The following WWOX variants were observed in gnomAD, a reference collection of about 807,000 sequenced individuals.
The protein encoded by WWOX is WW domain-containing oxidoreductase.
In WWOX, 69 loss-of-function variants were observed where a neutral mutation model predicts 46.2. That is an observed-to-expected ratio of 1.49 (90% CI 1.23 to 1.82). The LOEUF is 1.82. Ranked by LOEUF, WWOX falls within the 40% of genes most tolerant of loss-of-function variation. The pLI, the probability that WWOX is intolerant of heterozygous loss-of-function variation, is 0.00. For synonymous variants in WWOX, 359 were observed against 202.6 expected, an observed-to-expected ratio of 1.77 and a Z score of -6.56; for missense variants, 919 against 542.6, an observed-to-expected ratio of 1.69 and a Z score of -6.89.
intron 4 of WWOX, among the ~76,000 whole-genome samples, chr16:78,159,196 C>T (rs1025367797): frequency 1.1e-4 from 17 of 151,684 alleles, no homozygotes; most frequent in African/African-American, 3.9e-4. Context: ...TTCCTTTATC[C>T]ATTCATTCAT....
At chr16:78,401,276 A>G (rs2082406919) in intron 6 of WWOX, among the ~76,000 whole-genome samples, 1 of 120,516 alleles carries the variant, frequency 8.3e-6, no homozygotes, top group Non-Finnish European at 1.6e-5. Context: ...GTAAATTAAC[A>G]AAGTGGAAAA....
chr16:79,166,325 G>A (rs1445262688), intron 8 of WWOX, among the ~76,000 whole-genome samples: 1 of 152,124 alleles, frequency 6.6e-6, no homozygotes, highest in Non-Finnish European at 1.5e-5. Flanking sequence ...TGACACAGGA[G>A]GATGGAATTA....
intron 8 of WWOX, among the ~76,000 whole-genome samples, chr16:78,933,491 C>T (rs1467041448): frequency 1.3e-5 from 2 of 152,126 alleles, no homozygotes; most frequent in African/African-American, 4.8e-5. Flanking sequence ...GTTCTGAAGA[C>T]CAAGGTGGTG....
At chr16:78,539,669 G>T (rs547913698) in intron 8 of WWOX, among the ~76,000 whole-genome samples, 1 of 152,314 alleles carries the variant, frequency 6.6e-6, no homozygotes, top group Non-Finnish European at 1.5e-5. Context: ...TGCAGTGGCT[G>T]CCTGGGAAAT....
intron 6 of WWOX, among the ~76,000 whole-genome samples, chr16:78,400,244 T>G (rs58807329): frequency 0.12 from 17,502 of 152,166 alleles, 1,663 homozygotes; most frequent in African/African-American, 0.25. Flanking sequence ...AAGGTCTCTG[T>G]TTGTCTCAGA....
At chr16:78,866,869 C>T (rs997941387) in intron 8 of WWOX, among the ~76,000 whole-genome samples, 2 of 152,332 alleles carry the variant, frequency 1.3e-5, no homozygotes, top group East Asian at 1.9e-4. Context: ...TGACCACACT[C>T]AGAAGCCAAG....
chr16:78,933,702 G>A (rs2045672752), intron 8 of WWOX, among the ~76,000 whole-genome samples: 1 of 152,162 alleles, frequency 6.6e-6, no homozygotes, highest in Admixed American at 6.5e-5. Context: ...GAGAGCTTGT[G>A]TAGGGAAACT....
At chr16:78,542,162 G>C (rs1304746973) in intron 8 of WWOX, among the ~76,000 whole-genome samples, 1 of 109,892 alleles carries the variant, frequency 9.1e-6, no homozygotes, top group East Asian at 3.6e-4. Flanking sequence ...CTCAGGATTT[G>C]AAATGTTAAG....
chr16:78,291,623 TC>T (rs1242724027), intron 5 of WWOX, among the ~76,000 whole-genome samples: 1 of 152,122 alleles, frequency 6.6e-6, no homozygotes, highest in Non-Finnish European at 1.5e-5. Flanking sequence ...GTAACTTGGA[TC>T]CCCAGGTTTC....
intron 8 of WWOX, among the ~76,000 whole-genome samples, chr16:78,467,272 C>G (rs531174252): frequency 3.7e-4 from 56 of 152,196 alleles, no homozygotes; most frequent in Admixed American, 1.0e-3. Flanking sequence ...ATTAGATATG[C>G]ATGTATGTGT....
intron 8 of WWOX, among the ~76,000 whole-genome samples, chr16:78,884,813 C>T (rs746808700): frequency 4.1e-4 from 62 of 152,106 alleles, no homozygotes; most frequent in African/African-American, 1.4e-3. Context: ...ATATTTTACT[C>T]TAACAAAAAG....
At chr16:78,288,967 T>C (rs2079815458) in intron 5 of WWOX, among the ~76,000 whole-genome samples, 1 of 152,210 alleles carries the variant, frequency 6.6e-6, no homozygotes, top group Admixed American at 6.5e-5. Flanking sequence ...TTGTTGAGTG[T>C]TGCCAAGCAA....
At chr16:78,324,579 G>A (rs1487930638) in intron 5 of WWOX, among the ~76,000 whole-genome samples, 5 of 152,136 alleles carry the variant, frequency 3.3e-5, no homozygotes, top group South Asian at 2.1e-4. Flanking sequence ...GTAAATGCGT[G>A]TAATGGAATA....
chr16:78,319,228 A>G (rs1172491585), intron 5 of WWOX, among the ~76,000 whole-genome samples: 1 of 152,118 alleles, frequency 6.6e-6, no homozygotes. Flanking sequence ...AAAGGCAATG[A>G]GATGGATTCT....
intron 8 of WWOX, chr16:78,825,361 G>T (rs781259874): frequency 7.2e-6 from 2 of 276,106 alleles, no homozygotes; most frequent in Non-Finnish European, 1.5e-5. Flanking sequence ...TTCTTACTCC[G>T]GAGCTGGCTA....
rs1007391015 is a variant in WWOX at position 79,212,096 on chromosome 16, C to G, written c.*300C>G. The G allele has an allele frequency of 2.0e-6, 3 of 1,535,874 alleles. No individual in the cohort carries two copies. The Admixed American group carries it at 5.9e-5, about 30-fold the overall frequency. Reference sequence around the variant, plus strand: ...GTTCCGTATCTCCCTGGAGAAGCACCAGCAATTCTCTTTCTTTTACTGTTA... The same window carrying G: ...GTTCCGTATCTCCCTGGAGAAGCACGAGCAATTCTCTTTCTTTTACTGTTA... On this transcript the variant is annotated 3_prime_UTR_variant, in exon 9 of 9. Transcript: ENST00000566780.
At chr16:78,333,393 T>C (rs2080809376) in intron 5 of WWOX, among the ~76,000 whole-genome samples, 1 of 152,150 alleles carries the variant, frequency 6.6e-6, no homozygotes, top group Non-Finnish European at 1.5e-5. Flanking sequence ...TTTATTTTAA[T>C]GTTTATATAG....
At chr16:79,211,034 A>T (rs143321166) in intron 8 of WWOX, among the ~76,000 whole-genome samples, 185 of 149,714 alleles carry the variant, frequency 1.2e-3, no homozygotes, top group Non-Finnish European at 1.8e-3. Context: ...TATGGTGAGG[A>T]GTGTGTGTGT....
chr16:78,948,742 A>G (rs760644814), intron 8 of WWOX, among the ~76,000 whole-genome samples: 3 of 152,130 alleles, frequency 2.0e-5, no homozygotes, highest in Admixed American at 6.5e-5. Context: ...CTCTGTTGGC[A>G]TTACTCCTAT....
Sources: allele counts gnomAD v4.1 joint callset (sites outside exome capture counted in the v4.1 genomes callset), GRCh38; gene constraint gnomAD v4.1.1; transcripts MANE v1.5; gene names NCBI Gene and HGNC (gene_info 2026-07-23, HGNC 2026-07-21).